The following IPO11 variants were observed in gnomAD, a reference collection of about 807,000 sequenced individuals.
The protein encoded by IPO11 is importin 11, also known as importin-11.
IPO11 carries 66 observed loss-of-function variants against 143.2 expected under a neutral mutation model. The observed-to-expected ratio is 0.46, with a 90% CI of 0.38 to 0.57. The LOEUF (loss-of-function observed/expected upper bound fraction) is 0.57. Among genes scored for constraint, IPO11 ranks in the 20% least tolerant of loss-of-function variants. The pLI is 0.00. For missense variants in IPO11, 1,026 were observed against 1,141.0 expected (o/e 0.90, Z 1.45); for synonymous variants, 385 against 377.8 (o/e 1.02, Z -0.22).
At chr5:62,513,293 CGGCT>C (rs1267510269) in intron 19 of IPO11, among the ~76,000 whole-genome samples, 1 of 89,794 alleles carries the variant, frequency 1.1e-5, no homozygotes, top group Admixed American at 1.2e-4. Context: ...CCGGACGGGG[CGGCT>C]GGCTGGGCGT....
chr5:62,450,250 T>C (rs1744861868), intron 4 of IPO11, among the ~76,000 whole-genome samples: 1 of 152,236 alleles, frequency 6.6e-6, no homozygotes, highest in Non-Finnish European at 1.5e-5. Context: ...TCTCATTTTA[T>C]GAGCCTGTAT....
chr5:62,453,963 T>G lies in IPO11; in HGVS notation c.516+2030T>G, dbSNP rs1439090712. Among the ~76,000 whole-genome samples the G allele has an allele frequency of 5.9e-5, 9 of 151,982 alleles. No homozygotes were observed. In the East Asian group the frequency reaches 1.7e-3, roughly 29 times the overall value. ...TCCTGGCTAATGGTGAAACCCTATC[T>G]CTACTAAAAATACAAAAAAAAAATA... On this transcript the variant is annotated intron_variant, in intron 5 of 29. Transcript: ENST00000325324.
intron 3 of IPO11, among the ~76,000 whole-genome samples, chr5:62,449,404 C>G (rs1561315471): frequency 6.6e-6 from 1 of 152,148 alleles, no homozygotes; most frequent in Non-Finnish European, 1.5e-5. Context: ...TCACCCATCC[C>G]AGATATTCCC....
At chr5:62,530,297 A>G (rs1319747818) in intron 21 of IPO11, among the ~76,000 whole-genome samples, 1 of 152,198 alleles carries the variant, frequency 6.6e-6, no homozygotes, top group African/African-American at 2.4e-5. Flanking sequence ...ATTCATGCAT[A>G]CTAAAGTCCC....
At chr5:62,413,744 A>G (rs1429653451) in intron 1 of IPO11, among the ~76,000 whole-genome samples, 1 of 152,204 alleles carries the variant, frequency 6.6e-6, no homozygotes, top group Non-Finnish European at 1.5e-5. Context: ...AAGGAAGAAT[A>G]GTTTGTAGCC....
At chr5:62,437,551 T>A (rs534725749) in intron 2 of IPO11, 134 bp downstream of exon 2, 8 of 642,232 alleles carry the variant, frequency 1.2e-5, no homozygotes, top group Non-Finnish European at 2.1e-5. Flanking sequence ...TTTGCCATTA[T>A]CTTATTACTT....
chr5:62,596,892 G>A (rs976537067), intron 28 of IPO11, among the ~76,000 whole-genome samples: 1 of 152,144 alleles, frequency 6.6e-6, no homozygotes, highest in Admixed American at 6.6e-5. Context: ...TCATCATTCT[G>A]CAAACATGCC....
chr5:62,483,676 C>A (rs200683956), intron 10 of IPO11, among the ~76,000 whole-genome samples: 1 of 151,888 alleles, frequency 6.6e-6, no homozygotes, highest in Admixed American at 6.6e-5. Context: ...CATTCATATG[C>A]GTGTGTGCCA....
intron 16 of IPO11, among the ~76,000 whole-genome samples, chr5:62,503,701 A>G (rs909186067): frequency 6.6e-6 from 1 of 152,162 alleles, no homozygotes; most frequent in Non-Finnish European, 1.5e-5. Context: ...ATAAAAGGAA[A>G]AAGCAGGTGA....
At chr5:62,510,161 T>C (rs968837893) in intron 19 of IPO11, among the ~76,000 whole-genome samples, 1 of 151,944 alleles carries the variant, frequency 6.6e-6, no homozygotes, top group African/African-American at 2.4e-5. Context: ...TGCAAAAACT[T>C]TCTTAGTTCT....
rs947505447 is a variant in IPO11, at chr5:62,580,618, A to G, written c.2583-10959A>G. ...TCAGAATCCCCCATCCATGCGTGGC[A>G]GAGCATTACGTTATATTAACATTAC... On this transcript the variant is annotated intron_variant, in intron 27 of 29. Transcript: ENST00000325324. The G allele has an allele frequency of 2.6e-6, 4 of 1,551,508 alleles. No homozygotes were observed. Among genetic ancestry groups the G allele is most frequent in the Non-Finnish European group, 3.5e-6 (4 of 1,146,832 alleles).
chr5:62,550,247 C>T (rs1043839773), intron 24 of IPO11, 120 bp from the exon 25 acceptor site: 11 of 650,532 alleles, frequency 1.7e-5, no homozygotes, highest in East Asian at 5.3e-5. Flanking sequence ...ACCCTGCATA[C>T]GTGTATGCAT....
At chr5:62,451,546 C>T (rs922594400) in intron 4 of IPO11, among the ~76,000 whole-genome samples, 184 bp from the exon 5 acceptor site, 3 of 152,160 alleles carry the variant, frequency 2.0e-5, no homozygotes, top group Admixed American at 1.3e-4. Context: ...CCTCATAGGT[C>T]CCAGAAAGGG....
intron 27 of IPO11, chr5:62,578,655 G>A (rs1373323045): frequency 1.5e-5 from 7 of 464,654 alleles, no homozygotes; most frequent in East Asian, 1.4e-4. Flanking sequence ...TGAGATTTCC[G>A]TTCAGCAATA....
chr5:62,613,208 G>A (rs1390300633), intron 29 of IPO11, among the ~76,000 whole-genome samples: 1 of 142,036 alleles, frequency 7.0e-6, no homozygotes, highest in South Asian at 2.3e-4. Context: ...TGGACATTTT[G>A]TTTGATTATC....
At chr5:62,443,358 G>T in intron 3 of IPO11, 2 of 279,948 alleles carry the variant, frequency 7.1e-6, no homozygotes, top group South Asian at 7.7e-5. Context: ...CTATATTATT[G>T]TTTTCTTCAT....
At chr5:62,483,403 G>T in intron 10 of IPO11, 110 bp downstream of exon 10, 1 of 672,540 alleles carries the variant, frequency 1.5e-6, no homozygotes, top group Non-Finnish European at 2.4e-6. Context: ...AAAATAAATT[G>T]TTGCTGGGAC....
rs566048901 is a variant in IPO11 at position 62,435,531 on chromosome 5, C to T, written c.-6-1743C>T. On this transcript the variant is annotated intron_variant, in intron 1 of 29. Transcript: ENST00000325324. The stretch of plus-strand genomic sequence containing the variant: ...AAAGATCACTTGAGATCGCGGCTGC[C>T]GTGAGCAGTGATCACGTCACTGTGT... Among the ~76,000 whole-genome samples the T allele has an allele frequency of 1.4e-4, 22 of 151,920 alleles. 2 individuals carry two copies. The South Asian group carries it at 3.1e-3, about 22-fold the overall frequency.
chr5:62,526,226 G>A lies in IPO11; in HGVS notation c.1981G>A (p.Val661Ile), dbSNP rs778443100. 2 of 1,613,142 alleles carry A rather than the reference G, an allele frequency of 1.2e-6. No individual in the cohort carries two copies. Among genetic ancestry groups the A allele is most frequent in the South Asian group, 2.2e-5 (2 of 91,064 alleles). The stretch of plus-strand genomic sequence containing the variant: ...TACAGATGTTTCACAGCCTCCACAT[G>A]TTTATCTTCTGGAAGATGGTTTAGA... ...LSTDVSQPPH[V>I]YLLEDGLELW... The change falls in exon 21 of 30, where the codon GTT becomes ATT. Residue 661 changes from valine to isoleucine, a missense_variant. Coordinates refer to ENST00000325324, the MANE Select transcript of IPO11 (RefSeq NM_016338.5).
Sources: gnomAD v4.1 joint callset for allele counts (sites outside exome capture counted in the v4.1 genomes callset) on GRCh38, gnomAD v4.1.1 for gene constraint, MANE v1.5 for transcripts, NCBI Gene and HGNC (gene_info 2026-07-23, HGNC 2026-07-21) for gene names.